Variants in ZZEF1 observed in about 807,000 individuals in gnomAD.
The protein encoded by ZZEF1 is zinc finger ZZ-type and EF-hand domain-containing protein 1.
A neutral mutation model predicts 342.8 loss-of-function variants in ZZEF1; 157 were observed. The observed-to-expected ratio is 0.46, with a 90% CI of 0.40 to 0.52. The LOEUF (loss-of-function observed/expected upper bound fraction) is 0.52. Ranked by LOEUF, ZZEF1 falls within the 20% of genes least tolerant of loss-of-function variation. The probability of loss-of-function intolerance (pLI) is 0.00; values close to 1 mark genes in which losing one functional copy is unlikely to be tolerated. For synonymous variants in ZZEF1, 1,505 were observed against 1,429.1 expected, an observed-to-expected ratio of 1.05 and a Z score of -1.20; for missense variants, 3,480 against 3,725.6, an observed-to-expected ratio of 0.93 and a Z score of 1.72.
At chr17:4,036,193 A>G (rs2056659168) in intron 39 of ZZEF1, among the ~76,000 whole-genome samples, 1 of 152,174 alleles carries the variant, frequency 6.6e-6, no homozygotes, top group Non-Finnish European at 1.5e-5. Context: ...GATGGGATCC[A>G]GGATTCTCAC....
intron 5 of ZZEF1, among the ~76,000 whole-genome samples, chr17:4,110,754 C>T (rs931906131): frequency 2.7e-5 from 4 of 150,106 alleles, no homozygotes; most frequent in East Asian, 1.9e-4. Context: ...TCTGTTCACC[C>T]AGGCTGGAGG....
chr17:4,134,980 T>C (rs1425147058), intron 1 of ZZEF1, among the ~76,000 whole-genome samples: 1 of 152,032 alleles, frequency 6.6e-6, no homozygotes, highest in Non-Finnish European at 1.5e-5. Context: ...ACCTGCCTGG[T>C]GTGGCTGGAA....
intron 42 of ZZEF1, among the ~76,000 whole-genome samples, chr17:4,025,856 GAT>G (rs775543122): frequency 1.3e-5 from 2 of 152,172 alleles, no homozygotes; most frequent in Non-Finnish European, 2.9e-5. Context: ...TGAGAGAAGG[GAT>G]ATAAACTAGA....
At chr17:4,104,248 G>C (rs1401040426) in intron 8 of ZZEF1, among the ~76,000 whole-genome samples, 1 of 152,164 alleles carries the variant, frequency 6.6e-6, no homozygotes, top group Non-Finnish European at 1.5e-5. Flanking sequence ...ATCTTGGCTA[G>C]TTTCCTCCCT....
Position 4,139,164 on chromosome 17 carries a change from A to T in ZZEF1, c.354+3378T>A, listed in dbSNP as rs2058801422. ...CCCTGGACCACACCTACCATGAGAA[A>T]AGGTGTGTTGTACTATAAAATGATA... On this transcript the variant is annotated intron_variant, in intron 1 of 54. Transcript: ENST00000381638. Among the ~76,000 whole-genome samples, 2 of 141,592 alleles carry T rather than the reference A, an allele frequency of 1.4e-5. 1 individual carries two copies. Among genetic ancestry groups the T allele is most frequent in the African/African-American group, 5.5e-5 (2 of 36,242 alleles). The allele number at this position is 141,592 out of a possible 152,430, so 92.9% of individuals were successfully genotyped here.
At chr17:4,025,681 C>CAAAAAAAAAAAA (rs11345281) in intron 42 of ZZEF1, among the ~76,000 whole-genome samples, 1 of 127,302 alleles carries the variant, frequency 7.9e-6, no homozygotes, top group Non-Finnish European at 1.7e-5. Context: ...GACTCCGTCT[C>CAAAAAAAAAAAA]AAAAAAAAAA....
chr17:4,129,363 C>G (rs2145577894), intron 1 of ZZEF1, among the ~76,000 whole-genome samples: 1 of 152,306 alleles, frequency 6.6e-6, no homozygotes, highest in South Asian at 2.1e-4. Flanking sequence ...TTTGACCCAG[C>G]AATCCCATTA....
At chr17:4,098,875 C>A (rs1158377283) in intron 9 of ZZEF1, among the ~76,000 whole-genome samples, 1 of 152,214 alleles carries the variant, frequency 6.6e-6, no homozygotes, top group Non-Finnish European at 1.5e-5. Flanking sequence ...ATACTACCAA[C>A]AATTCACACA....
chr17:4,127,215 G>A (rs1460718039), intron 1 of ZZEF1, among the ~76,000 whole-genome samples: 3 of 151,938 alleles, frequency 2.0e-5, no homozygotes, highest in Admixed American at 6.6e-5. Flanking sequence ...TGCTGCCTAG[G>A]CTGGTCTCAA....
At chr17:4,007,851 C>T (rs894864614) in intron 54 of ZZEF1, among the ~76,000 whole-genome samples, 1 of 152,036 alleles carries the variant, frequency 6.6e-6, no homozygotes, top group African/African-American at 2.4e-5. Flanking sequence ...AGACTACTTC[C>T]AAGGGACAGA....
Position 4,010,454 on chromosome 17 carries a change from C to G in ZZEF1, c.8580-697G>C, listed in dbSNP as rs568723881. On this transcript the variant is annotated intron_variant, in intron 52 of 54. Coordinates refer to ENST00000381638, the MANE Select transcript of ZZEF1 (RefSeq NM_015113.4). Reference sequence around the variant, plus strand: ...AGCAAGATGTGGCCGGGCGCGGTAGCTCACGCCTGTAATCCCAGCACCTTG... The same window carrying G: ...AGCAAGATGTGGCCGGGCGCGGTAGGTCACGCCTGTAATCCCAGCACCTTG... Among the ~76,000 whole-genome samples, 5 of 152,056 alleles carry G rather than the reference C, an allele frequency of 3.3e-5. No homozygotes were observed. The South Asian group carries it at 1.0e-3, about 32-fold the overall frequency.
At position 4,014,392 on chromosome 17, in the gene ZZEF1, T is replaced by C; in HGVS notation, c.8269A>G (p.Ser2757Gly). 1 of 1,614,262 alleles carries C rather than the reference T, an allele frequency of 6.2e-7. No homozygotes were observed. Among genetic ancestry groups the C allele is most frequent in the Non-Finnish European group, 8.5e-7 (1 of 1,180,054 alleles). Residue 2757 changes from serine (S) to glycine (G), a missense_variant, in exon 50 of 55, where the codon AGC becomes GGC. Transcript: ENST00000381638. The surrounding 1 kb of genome is among the most constrained non-coding windows in gnomAD (Gnocchi z 4.4). ...CACTTCTGCTGAGACCCGCTGAAGC[T>C]GTGTCGGTCTTGCTGGAAGTCACTG... ...SSSDFQQDRH[S>G]FSGSQQKWKD...
chr17:4,021,255 T>C lies in ZZEF1; in HGVS notation c.7278A>G (p.Leu2426=). 6.2e-7 allele frequency: 1 copy of C among 1,614,204 alleles called. No individual in the cohort carries two copies. Among genetic ancestry groups the C allele is most frequent in the Non-Finnish European group, 8.5e-7 (1 of 1,180,028 alleles). ...CTCGGTCCCCTCGCTCATCCAGCTCTAGGTCTCCGTGCTCAGCCAAAGCGT... is the reference window on the plus strand; with the variant it reads ...CTCGGTCCCCTCGCTCATCCAGCTCCAGGTCTCCGTGCTCAGCCAAAGCGT... The part of the protein sequence containing the change: ...EINALAEHGD[L]ELDERGDREE... Residue 2426 remains leucine (L), a synonymous_variant, in exon 45 of 55, where the codon CTA becomes CTG. Coordinates refer to ENST00000381638, the MANE Select transcript of ZZEF1 (RefSeq NM_015113.4).
At chr17:4,139,399 G>A (rs539181988) in intron 1 of ZZEF1, among the ~76,000 whole-genome samples, 38 of 152,306 alleles carry the variant, frequency 2.5e-4, no homozygotes, top group African/African-American at 8.7e-4. Flanking sequence ...GTTTTACCAT[G>A]TTAGCTCTTA....
chr17:4,114,610 C>T, intron 3 of ZZEF1, 140 bp from the exon 4 acceptor site: 3 of 671,628 alleles, frequency 4.5e-6, no homozygotes, highest in Non-Finnish European at 6.7e-6. Context: ...CCTTCCAGAT[C>T]CTTTTGTAGT....
At position 4,104,659 on chromosome 17, in the gene ZZEF1, A is replaced by C; in HGVS notation, c.1547T>G (p.Val516Gly). The change falls in exon 8 of 55, where the codon GTC (valine) becomes GGC (glycine). Residue 516 changes from valine (V) to glycine (G), a missense_variant. Around this residue, in one of 5 missense-constraint regions of ZZEF1, gnomAD observed 1,528 missense variants for 1,624.1 expected, o/e 0.94. Transcript: ENST00000381638. ...ASSLILSMASVRQNLLLKYGK... is the reference protein window; with the variant it reads ...ASSLILSMASGRQNLLLKYGK... ...ATATTTGAGGAGCAGGTTCTGTCTG[A>C]CTGACGCCATGGACAAGATGAGGGA... 6.2e-7 allele frequency: 1 copy of C among 1,614,090 alleles called. No homozygotes were observed. The highest frequency in any genetic ancestry group is 8.5e-7 in the Non-Finnish European group (1 of 1,180,000).
At chr17:4,022,557 C>T in intron 44 of ZZEF1, 152 bp downstream of exon 44, 2 of 1,037,176 alleles carry the variant, frequency 1.9e-6, no homozygotes, top group South Asian at 1.6e-5. Context: ...ATCCCTATTT[C>T]CAACAGGGAA....
Position 4,007,625 on chromosome 17 carries a change from A to C in ZZEF1, c.8806-655T>G, listed in dbSNP as rs113647351. Among the ~76,000 whole-genome samples the C allele has an allele frequency of 4.3e-3, 661 of 152,104 alleles. 12 individuals are homozygous for C. Among genetic ancestry groups the C allele is most frequent in the African/African-American group, 0.015 (623 of 41,468 alleles). On this transcript the variant is annotated intron_variant, in intron 54 of 54. Coordinates refer to ENST00000381638, the MANE Select transcript of ZZEF1 (RefSeq NM_015113.4). ...TGGGGCCAGGACGGGCAAATATCAA[A>C]ATTTCGTTACATGATGTGATGAAAC...
At position 4,085,709 on chromosome 17, in the gene ZZEF1, A is replaced by G; in HGVS notation, c.2607T>C (p.Pro869=). Reference sequence around the variant, plus strand: ...GATGGTTCCGTCGGGTCTGTCGATTAGGAAAGAAGATGGCAGCCCCATTGA... The same window carrying G: ...GATGGTTCCGTCGGGTCTGTCGATTGGGAAAGAAGATGGCAGCCCCATTGA... The part of the protein sequence containing the change: ...TLLNGAAIFF[P]NRQTRRNHLF... Residue 869 remains proline, a synonymous_variant, in exon 16 of 55, where the codon CCT becomes CCC. Coordinates refer to ENST00000381638, the MANE Select transcript of ZZEF1 (RefSeq NM_015113.4). 1.9e-6 allele frequency: 3 copies of G among 1,614,202 alleles called. No individual in the cohort carries two copies. Among genetic ancestry groups the G allele is most frequent in the Non-Finnish European group, 2.5e-6 (3 of 1,180,014 alleles).
Sources: gnomAD v4.1 joint callset for allele counts (sites outside exome capture counted in the v4.1 genomes callset) on GRCh38, gnomAD v4.1.1 for gene constraint, gnomAD v4.1.1 regional missense constraint, Gnocchi (gnomAD v3.1) non-coding constraint, MANE v1.5 for transcripts, NCBI Gene and HGNC (gene_info 2026-07-23, HGNC 2026-07-21) for gene names.